The following THADA variants were observed in gnomAD, a reference collection of about 807,000 sequenced individuals.
THADA encodes THADA armadillo repeat containing.
In THADA, 213 loss-of-function variants were observed where a neutral mutation model predicts 219.8. The observed-to-expected ratio is 0.97, with a 90% CI of 0.87 to 1.09. The LOEUF (loss-of-function observed/expected upper bound fraction) is 1.09. Ranked by LOEUF, THADA falls within the 50% of genes least tolerant of loss-of-function variation. THADA has a pLI of 0.00. For missense variants in THADA, 2,956 were observed against 2,311.3 expected (o/e 1.28, Z -5.72); for synonymous variants, 1,018 against 828.9 (o/e 1.23, Z -3.92).
In THADA at chr2:43,556,470, T is replaced by C; in HGVS notation, c.2549A>G (p.Tyr850Cys). Residue 850 changes from tyrosine to cysteine, a missense_variant, in exon 17 of 38, where the codon TAC becomes TGC. Physicochemically the swap from Tyr to Cys is radical, Grantham distance 194 (BLOSUM62 -2). Coordinates refer to ENST00000405975, the MANE Select transcript of THADA (RefSeq NM_022065.5). ...TKPYDCVTAS[Y>C]LLNFLIWQDA... The stretch of plus-strand genomic sequence containing the variant: ...CTGCCAGATTAAGAAGTTCAGCAGG[T>C]AGGAAGCTGTCACACAGTCGTATGG... 1 of 1,613,862 alleles carries C rather than the reference T, an allele frequency of 6.2e-7. No individual in the cohort carries two copies. The highest frequency in any genetic ancestry group is 8.5e-7 in the Non-Finnish European group (1 of 1,179,832).
chr2:43,398,247 G>C, intron 28 of THADA, 108 bp from the exon 29 acceptor site: 3 of 1,187,128 alleles, frequency 2.5e-6, no homozygotes, highest in Non-Finnish European at 3.6e-6. Context: ...AGGGGTTAGG[G>C]GGAGACAGGA....
chr2:43,232,957 G>A (rs1244983548), intron 36 of THADA, 75 bp from the exon 37 acceptor site: 30 of 1,480,010 alleles, frequency 2.0e-5, no homozygotes, highest in Non-Finnish European at 9.1e-6. Flanking sequence ...CAGGACCCTG[G>A]GAACAATAAA....
intron 28 of THADA, among the ~76,000 whole-genome samples, chr2:43,421,627 T>C (rs1206100716): frequency 6.6e-6 from 1 of 152,228 alleles, no homozygotes; most frequent in Non-Finnish European, 1.5e-5. Context: ...GACTCAGATG[T>C]TCTTTTGCTT....
At chr2:43,316,930 CA>C (rs1004328477) in intron 31 of THADA, among the ~76,000 whole-genome samples, 141 of 152,094 alleles carry the variant, frequency 9.3e-4, no homozygotes, top group South Asian at 3.9e-3. Flanking sequence ...TCCATGTCAA[CA>C]AAAAAATATT....
intron 26 of THADA, among the ~76,000 whole-genome samples, chr2:43,465,758 G>GACCT (rs1684154898): frequency 6.6e-6 from 1 of 152,030 alleles, no homozygotes; most frequent in African/African-American, 2.4e-5. Flanking sequence ...ATCTGACCTA[G>GACCT]ACCTCACTCC....
At chr2:43,435,113 C>A in intron 26 of THADA, among the ~76,000 whole-genome samples, 1 of 152,286 alleles carries the variant, frequency 6.6e-6, no homozygotes. Context: ...TTCACTACTA[C>A]GTATACAAAT....
In THADA at chr2:43,592,523, T is replaced by C. The variant is rs1319162827; in HGVS notation, c.-24-107A>G. 1.6e-5 allele frequency: 10 copies of C among 609,940 alleles called. No individual in the cohort carries two copies. The Admixed American group carries it at 3.3e-4, about 20-fold the overall frequency. The allele number at this position is 609,940 out of a possible 1,614,324, so 37.8% of individuals were successfully genotyped here. A position where few individuals can be genotyped will look rare whatever the true frequency, so the allele number is the denominator to read the frequency against. ...TTGAACAGTATCATCCTATGCATTA[T>C]GTTTCATGCATCCCCATCTCTACCC... On this transcript the variant is annotated intron_variant, in intron 1 of 37. Transcript: ENST00000405975.
intron 36 of THADA, among the ~76,000 whole-genome samples, chr2:43,243,673 C>T (rs949245720): frequency 2.0e-5 from 3 of 152,130 alleles, no homozygotes; most frequent in African/African-American, 4.8e-5. Context: ...CACAACCTGC[C>T]GCAGAGCCCT....
chr2:43,537,561 T>C (rs554072798), intron 21 of THADA, among the ~76,000 whole-genome samples: 1 of 152,260 alleles, frequency 6.6e-6, no homozygotes, highest in East Asian at 1.9e-4. Context: ...TAAACATATA[T>C]CCCATTTGTA....
intron 14 of THADA, among the ~76,000 whole-genome samples, chr2:43,567,334 T>G (rs914360001): frequency 6.6e-6 from 1 of 152,120 alleles, no homozygotes. Flanking sequence ...GGATTCACAT[T>G]AAAACACAAC....
rs1439952092 is a variant in THADA, at chr2:43,514,610, T to A, written c.3375-5830A>T. On this transcript the variant is annotated intron_variant, in intron 22 of 37. Transcript: ENST00000405975. ...TTATATATGTATATTTTATATATAT[T>A]TTATATATTTTATATATATGTATAT... Among the ~76,000 whole-genome samples the A allele has an allele frequency of 5.5e-3, 511 of 93,614 alleles. 80 individuals are homozygous for A. The highest frequency in any genetic ancestry group is 0.012 in the African/African-American group (246 of 20,688). The allele number at this position is 93,614 out of a possible 152,430, so 61.4% of individuals were successfully genotyped here. A position where few individuals can be genotyped will look rare whatever the true frequency, so the allele number is the denominator to read the frequency against.
chr2:43,517,749 A>G (rs577645895), intron 22 of THADA, among the ~76,000 whole-genome samples: 1 of 152,140 alleles, frequency 6.6e-6, no homozygotes, highest in African/African-American at 2.4e-5. Flanking sequence ...TAATGTGTGT[A>G]CCATTTCCAA....
At chr2:43,459,053 C>T (rs925922835) in intron 26 of THADA, among the ~76,000 whole-genome samples, 2 of 152,154 alleles carry the variant, frequency 1.3e-5, no homozygotes, top group Non-Finnish European at 2.9e-5. Context: ...ATCTCTCAGT[C>T]TTGAGCACAA....
intron 28 of THADA, among the ~76,000 whole-genome samples, chr2:43,402,899 A>G (rs1019417203): frequency 3.9e-5 from 6 of 152,200 alleles, no homozygotes; most frequent in African/African-American, 1.4e-4. Context: ...GTTTGGCAAG[A>G]AAGAAGTCCT....
chr2:43,279,852 G>A lies in THADA; in HGVS notation c.5209C>T (p.Leu1737=), dbSNP rs747084016. 1.9e-6 allele frequency: 3 copies of A among 1,571,176 alleles called. No homozygotes were observed. Among genetic ancestry groups the A allele is most frequent in the Admixed American group, 1.9e-5 (1 of 52,512 alleles). Residue 1737 remains leucine, a synonymous_variant, in exon 36 of 38, where the codon CTG becomes TTG. Transcript: ENST00000405975. ...CTAACAGCTTGCTCCTCACTCTGCA[G>A]AAGGGTAAGGACACACTTCCAGAGA... ...LALWKCVLTL[L]QSEEQAVRDA...
intron 15 of THADA, chr2:43,565,119 A>G (rs1698509062): frequency 6.6e-6 from 1 of 152,222 alleles, no homozygotes; most frequent in Non-Finnish European, 1.5e-5. Context: ...GGACACAGAT[A>G]TAGCAAATAT....
intron 31 of THADA, among the ~76,000 whole-genome samples, chr2:43,310,286 G>C (rs745775819): frequency 5.1e-5 from 7 of 136,420 alleles, no homozygotes; most frequent in African/African-American, 1.1e-4. Context: ...ACCCAGAATA[G>C]GCAAAGCAAT....
chr2:43,270,739 C>CTT (rs764146965), intron 36 of THADA, among the ~76,000 whole-genome samples: 97 of 152,144 alleles, frequency 6.4e-4, no homozygotes, highest in Admixed American at 1.1e-3. Context: ...CCCAGCTACT[C>CTT]AGGAGGCTGA....
At chr2:43,493,089 G>A (rs1265681787) in intron 25 of THADA, among the ~76,000 whole-genome samples, 1 of 152,140 alleles carries the variant, frequency 6.6e-6, no homozygotes, top group African/African-American at 2.4e-5. Flanking sequence ...GAGTAGCCAT[G>A]GCATGGCAGC....
Sources: gnomAD v4.1 joint callset for allele counts (sites outside exome capture counted in the v4.1 genomes callset) on GRCh38, gnomAD v4.1.1 for gene constraint, MANE v1.5 for transcripts, NCBI Gene and HGNC (gene_info 2026-07-23, HGNC 2026-07-21) for gene names.